ATP10A: variants seen among roughly 807,000 people sequenced by gnomAD.
The protein encoded by ATP10A is phospholipid-transporting ATPase VA.
ATP10A carries 111 observed loss-of-function variants against 147.8 expected under a neutral mutation model. That is an observed-to-expected ratio of 0.75 (90% confidence interval 0.64 to 0.88). ATP10A has a LOEUF of 0.88. Among genes scored for constraint, ATP10A ranks in the 40% least tolerant of loss-of-function variants. The pLI is 0.00. For synonymous variants in ATP10A, 875 were observed against 841.6 expected, an observed-to-expected ratio of 1.04 and a Z score of -0.69; for missense variants, 1,927 against 1,959.0, an observed-to-expected ratio of 0.98 and a Z score of 0.31.
At chr15:25,735,015 G>C (rs1459367784) in intron 3 of ATP10A, among the ~76,000 whole-genome samples, 1 of 34,374 alleles carries the variant, frequency 2.9e-5, no homozygotes, top group African/African-American at 1.1e-4. Context: ...GGGGGGGGGT[G>C]GGGGGGTGGG....
intron 10 of ATP10A, among the ~76,000 whole-genome samples, chr15:25,711,983 C>A (rs983752890): frequency 6.6e-6 from 1 of 152,192 alleles, no homozygotes; most frequent in Non-Finnish European, 1.5e-5. Context: ...GGAGGCCAGG[C>A]CACCACTGTT....
In ATP10A at chr15:25,718,281, G is replaced by A. The variant is rs1363643534; in HGVS notation, c.1482C>T (p.His494=). Residue 494 remains histidine (H), a synonymous_variant, in exon 8 of 21, where the codon CAC becomes CAT. Coordinates refer to ENST00000555815, the MANE Select transcript of ATP10A (RefSeq NM_024490.4). ...GGTGGGACTTGGTGCTCTGGGTTCT[G>A]TGCACCACCCGGACACTCTGGTGGC... ...IGSHQSVRVV[H]RTQSTKSHRR... 1.2e-6 allele frequency: 2 copies of A among 1,612,260 alleles called. No individual in the cohort carries two copies. Among genetic ancestry groups the A allele is most frequent in the Non-Finnish European group, 1.7e-6 (2 of 1,179,966 alleles).
chr15:25,735,953 G>A, intron 3 of ATP10A, 103 bp downstream of exon 3: 1 of 1,048,976 alleles, frequency 9.5e-7, no homozygotes. Context: ...ACACCATGTG[G>A]CAAAGAGTAT....
chr15:25,786,688 T>C (rs575506744), intron 1 of ATP10A, among the ~76,000 whole-genome samples: 2 of 133,902 alleles, frequency 1.5e-5, no homozygotes, highest in African/African-American at 2.8e-5. Flanking sequence ...TGCAGTGGCG[T>C]GATCTCGGCT....
At chr15:25,746,725 G>T (rs1373326189) in intron 2 of ATP10A, among the ~76,000 whole-genome samples, 2 of 152,186 alleles carry the variant, frequency 1.3e-5, no homozygotes, top group Admixed American at 6.5e-5. Context: ...TGACCAATTA[G>T]TCAAAGAAAA....
intron 1 of ATP10A, chr15:25,848,610 C>T (rs1893139615): frequency 6.5e-6 from 1 of 153,814 alleles, no homozygotes; most frequent in African/African-American, 2.4e-5. Context: ...CCTCCACTTT[C>T]AAAGCCAACA....
chr15:25,741,473 G>A (rs193030653), intron 2 of ATP10A, among the ~76,000 whole-genome samples: 24 of 152,198 alleles, frequency 1.6e-4, no homozygotes, highest in Non-Finnish European at 3.1e-4. Context: ...CCTCTAATCC[G>A]GCTCCTTAGC....
chr15:25,708,127 C>T, intron 11 of ATP10A, 25 bp from the exon 12 acceptor site: 1 of 1,613,214 alleles, frequency 6.2e-7, no homozygotes. Context: ...TTGTTGAGTG[C>T]TGCACCGGGC....
chr15:25,675,755 G>A (rs1254324862), downstream of ATP10A, among the ~76,000 whole-genome samples: 1 of 152,220 alleles, frequency 6.6e-6, no homozygotes, highest in Non-Finnish European at 1.5e-5. Flanking sequence ...AGACCAGCCT[G>A]GCCAACACGG....
At position 25,718,341 on chromosome 15, in the gene ATP10A, T is replaced by C; in HGVS notation, c.1422A>G (p.Arg474=). The C allele has an allele frequency of 6.2e-7, 1 of 1,610,412 alleles. No homozygotes were observed. Among genetic ancestry groups the C allele is most frequent in the Non-Finnish European group, 8.5e-7 (1 of 1,179,542 alleles). The change falls in exon 8 of 21, where the codon AGA becomes AGG. Residue 474 remains arginine (R), a synonymous_variant. Transcript: ENST00000555815. ...TGCCGCGCTGGGACACCGAGCCCCC[T>C]CTGGGCACCACCTCCTCCTCCTCCG... ...ADSEEEEVVP[R]GGSVSQRGSI...
rs73366953 is a variant in ATP10A at position 25,795,004 on chromosome 15, C to T, written c.450-13781G>A. On this transcript the variant is annotated intron_variant, in intron 1 of 20. Coordinates refer to ENST00000555815, the MANE Select transcript of ATP10A (RefSeq NM_024490.4). ...GGCCCAAAACTCAACTGGCTCATAC[C>T]TCCCAATTTTAGAGTATTTGGGAGA... Among the ~76,000 whole-genome samples, 1,422 of 152,292 alleles carry T rather than the reference C, an allele frequency of 9.3e-3. 25 individuals are homozygous for T. The highest frequency in any genetic ancestry group is 0.032 in the African/African-American group (1,327 of 41,542).
At chr15:25,766,882 T>TTA in intron 2 of ATP10A, among the ~76,000 whole-genome samples, 1 of 150,980 alleles carries the variant, frequency 6.6e-6, no homozygotes, top group East Asian at 2.0e-4. Context: ...TGTCCATACT[T>TTA]TAAACTAGTG....
At chr15:25,709,076 C>CA (rs1901230450) in intron 10 of ATP10A, 1 of 152,218 alleles carries the variant, frequency 6.6e-6, no homozygotes, top group Non-Finnish European at 1.5e-5. Context: ...ACAGAGCCCT[C>CA]AAGGGAGTGA....
In ATP10A at chr15:25,718,248, C is replaced by A. The variant is rs773764077; in HGVS notation, c.1515G>T (p.Thr505=). Residue 505 remains threonine (T), a synonymous_variant, in exon 8 of 21, where the codon ACG becomes ACT. Coordinates refer to ENST00000555815, the MANE Select transcript of ATP10A (RefSeq NM_024490.4). ...CCCTCTTGGCCTCGGCCCGGCTGCC[C>A]GTGCGCCGGTGGGACTTGGTGCTCT... ...RTQSTKSHRR[T]GSRAEAKRAS... is the part of the protein sequence containing the mutation. The A allele has an allele frequency of 4.3e-6, 7 of 1,612,928 alleles. No homozygotes were observed. The highest frequency in any genetic ancestry group is 5.9e-6 in the Non-Finnish European group (7 of 1,179,998).
intron 2 of ATP10A, among the ~76,000 whole-genome samples, chr15:25,760,817 G>A (rs1888721584): frequency 6.6e-6 from 1 of 152,122 alleles, no homozygotes. Context: ...CTGCACTCCG[G>A]CCTGGTGACT....
intron 1 of ATP10A, among the ~76,000 whole-genome samples, chr15:25,849,373 G>C (rs12050652): frequency 0.36 from 54,598 of 152,132 alleles, 12,290 homozygotes; most frequent in East Asian, 0.53. Context: ...CAAAGCACCA[G>C]ACAAGAGAAA....
intron 1 of ATP10A, chr15:25,841,427 A>G (rs1403051538): frequency 3.3e-5 from 5 of 152,156 alleles, no homozygotes; most frequent in African/African-American, 1.2e-4. Flanking sequence ...TTCATTACAT[A>G]TGTGCCATCC....
chr15:25,675,631 C>G (rs1260990705), downstream of ATP10A, among the ~76,000 whole-genome samples: 2 of 152,034 alleles, frequency 1.3e-5, no homozygotes, highest in African/African-American at 2.4e-5. Flanking sequence ...GCTCAGACCA[C>G]CAAAGGCCAT....
chr15:25,845,066 G>A (rs1892957901), intron 1 of ATP10A, among the ~76,000 whole-genome samples: 1 of 152,182 alleles, frequency 6.6e-6, no homozygotes, highest in Non-Finnish European at 1.5e-5. Context: ...CAAACACCAG[G>A]AGAAAGTGTG....
Sources: gnomAD v4.1 joint callset for allele counts (sites outside exome capture counted in the v4.1 genomes callset) on GRCh38, gnomAD v4.1.1 for gene constraint, MANE v1.5 for transcripts, NCBI Gene and HGNC (gene_info 2026-07-23, HGNC 2026-07-21) for gene names.